The following TFDP1 variants were observed in gnomAD, a reference collection of about 807,000 sequenced individuals.
TFDP1 encodes the protein transcription factor Dp-1.
TFDP1 carries 6 observed loss-of-function variants against 48.0 expected under a neutral mutation model. That is an observed-to-expected ratio of 0.13 (90% CI 0.07 to 0.25). TFDP1 has a LOEUF of 0.25. Ranked by LOEUF, TFDP1 falls within the 10% of genes least tolerant of loss-of-function variation. The probability of loss-of-function intolerance (pLI) is 1.00; values close to 1 mark genes in which losing one functional copy is unlikely to be tolerated. For synonymous variants in TFDP1, 201 were observed against 211.6 expected (o/e 0.95, Z 0.44); for missense variants, 335 against 543.0 (o/e 0.62, Z 3.81).
intron 2 of TFDP1, among the ~76,000 whole-genome samples, chr13:113,608,317 C>T (rs1009031367): frequency 2.0e-5 from 3 of 152,202 alleles, no homozygotes; most frequent in East Asian, 1.9e-4. Flanking sequence ...TGAGGGAGGG[C>T]GATAGACAGG....
At chr13:113,600,676 A>G (rs2048399659) in intron 2 of TFDP1, among the ~76,000 whole-genome samples, 1 of 145,808 alleles carries the variant, frequency 6.9e-6, no homozygotes, top group Non-Finnish European at 1.5e-5. Context: ...GGACCGTGAT[A>G]GAGAACTCAG....
chr13:113,617,735 C>T (rs1281609269), intron 3 of TFDP1, among the ~76,000 whole-genome samples: 1 of 152,196 alleles, frequency 6.6e-6, no homozygotes, highest in Non-Finnish European at 1.5e-5. Flanking sequence ...GCAAACAAAA[C>T]ATCTCCAGCA....
At chr13:113,586,145 A>G in intron 2 of TFDP1, 1 of 293,706 alleles carries the variant, frequency 3.4e-6, no homozygotes, top group Non-Finnish European at 6.3e-6. Context: ...AATTTTAAAT[A>G]AACGCCTTAA....
Position 113,636,782 on chromosome 13 carries a change from G to GCTGTGTGAGGAGTGGCCCCCA in TFDP1, c.1006+82_1006+83insCTGTGTGAGGAGTGGCCCCCA. 2.7e-6 allele frequency: 4 copies of GCTGTGTGAGGAGTGGCCCCCA among 1,500,320 alleles called. No homozygotes were observed. The African/African-American group carries it at 5.5e-5, about 21-fold the overall frequency. The allele number at this position is 1,500,320 out of a possible 1,614,324, so 92.9% of individuals were successfully genotyped here. ...GACGGTGCCCTCCCCTCCCGGCTCG[G>GCTGTGTGAGGAGTGGCCCCCA]GATGTGTCTTGCTGAGATCAGGCCC... On this transcript the variant is annotated intron_variant, in intron 10 of 11. Transcript: ENST00000375370.
intron 2 of TFDP1, among the ~76,000 whole-genome samples, chr13:113,600,836 C>T (rs764529921): frequency 4.1e-5 from 6 of 145,206 alleles, no homozygotes; most frequent in African/African-American, 1.1e-4. Flanking sequence ...AACCCTCACA[C>T]GTAGAACTCC....
intron 2 of TFDP1, among the ~76,000 whole-genome samples, chr13:113,606,264 T>C (rs1296131979): frequency 1.3e-5 from 2 of 152,146 alleles, no homozygotes; most frequent in Non-Finnish European, 2.9e-5. Context: ...GGGAGCCTGT[T>C]CTGGTTGCTT....
chr13:113,601,949 C>T (rs896609153), intron 2 of TFDP1, among the ~76,000 whole-genome samples: 4 of 45,438 alleles, frequency 8.8e-5, no homozygotes, highest in Non-Finnish European at 1.5e-4. Flanking sequence ...GAGGACAGAG[C>T]TACTCCCTCT....
At chr13:113,586,338 G>A (rs1178004649) in intron 2 of TFDP1, among the ~76,000 whole-genome samples, 1 of 152,072 alleles carries the variant, frequency 6.6e-6, no homozygotes, top group Non-Finnish European at 1.5e-5. Context: ...GACTTGTTTT[G>A]GCCACTTTTT....
In TFDP1 at chr13:113,602,541, C is replaced by T. The variant is rs950970133; in HGVS notation, c.13-8455C>T. Reference sequence around the variant, plus strand: ...TAATGTGCAGTGCAAGTGTTTTCTGCCCTGGGGTCTGGCGCAGGCCACTCC... The same window carrying T: ...TAATGTGCAGTGCAAGTGTTTTCTGTCCTGGGGTCTGGCGCAGGCCACTCC... On this transcript the variant is annotated intron_variant, in intron 2 of 11. Coordinates refer to ENST00000375370, the MANE Select transcript of TFDP1 (RefSeq NM_007111.5). Among the ~76,000 whole-genome samples the T allele has an allele frequency of 2.6e-5, 4 of 152,172 alleles. No individual in the cohort carries two copies. The East Asian group carries it at 7.7e-4, about 29-fold the overall frequency.
intron 3 of TFDP1, among the ~76,000 whole-genome samples, chr13:113,622,137 A>G (rs915242342): frequency 6.6e-6 from 1 of 151,992 alleles, no homozygotes; most frequent in African/African-American, 2.4e-5. Context: ...GAGATGGCTT[A>G]CTCTCCTTAT....
intron 2 of TFDP1, among the ~76,000 whole-genome samples, chr13:113,588,041 G>A (rs1421908034): frequency 1.3e-5 from 2 of 152,120 alleles, no homozygotes; most frequent in African/African-American, 4.8e-5. Context: ...GTAGACACGG[G>A]GTTTCACCAT....
chr13:113,626,207 C>T (rs2049175377), intron 4 of TFDP1, among the ~76,000 whole-genome samples: 1 of 152,160 alleles, frequency 6.6e-6, no homozygotes, highest in African/African-American at 2.4e-5. Context: ...GTCCCTGGCC[C>T]TGTGGAGAGC....
At chr13:113,621,029 A>T (rs1488260399) in intron 3 of TFDP1, among the ~76,000 whole-genome samples, 1 of 152,280 alleles carries the variant, frequency 6.6e-6, no homozygotes, top group Non-Finnish European at 1.5e-5. Flanking sequence ...AGAAATGCAT[A>T]AAAAGCAGTA....
chr13:113,594,092 C>T (rs1300916372), intron 2 of TFDP1, among the ~76,000 whole-genome samples: 465 of 131,786 alleles, frequency 3.5e-3, no homozygotes, highest in African/African-American at 0.014. Context: ...GCCCAGGTGA[C>T]AGGTGTGGTG....
intron 3 of TFDP1, among the ~76,000 whole-genome samples, chr13:113,612,763 T>C (rs1349194086): frequency 2.0e-5 from 3 of 152,244 alleles, no homozygotes; most frequent in Admixed American, 6.5e-5. Context: ...ACAAGTTTAA[T>C]TGAGCTGAAG....
chr13:113,594,182 G>C (rs895174107), intron 2 of TFDP1, among the ~76,000 whole-genome samples: 4 of 148,914 alleles, frequency 2.7e-5, no homozygotes, highest in African/African-American at 1.0e-4. Context: ...CAGGTGTGCT[G>C]TGTGCAGGTC....
intron 2 of TFDP1, among the ~76,000 whole-genome samples, chr13:113,609,179 G>A (rs1371272388): frequency 2.0e-5 from 3 of 152,238 alleles, no homozygotes; most frequent in Non-Finnish European, 4.4e-5. Flanking sequence ...CTTGCTCCAC[G>A]GCTCTTTTCC....
At chr13:113,625,721 TTCAGGCGTCTCTCACGTGTCC>T (rs759886513) in intron 4 of TFDP1, among the ~76,000 whole-genome samples, 8,319 of 23,716 alleles carry the variant, frequency 0.35, 1,835 homozygotes, top group Admixed American at 0.4. Context: ...CTCACATGTC[TTCAGGCGTCTCTCACGTGTCC>T]TCAGGCGTCT....
At chr13:113,611,488 C>T (rs766079077) in intron 3 of TFDP1, among the ~76,000 whole-genome samples, 7 of 152,232 alleles carry the variant, frequency 4.6e-5, no homozygotes, top group African/African-American at 9.7e-5. Flanking sequence ...CCACCTTTAA[C>T]GCTTCGCGTG....
Sources: allele counts gnomAD v4.1 joint callset (sites outside exome capture counted in the v4.1 genomes callset), GRCh38; gene constraint gnomAD v4.1.1; transcripts MANE v1.5; gene names NCBI Gene and HGNC (gene_info 2026-07-23, HGNC 2026-07-21).